Variants in MAP3K7 observed in about 807,000 individuals in gnomAD.
The protein encoded by MAP3K7 is TGF-beta activated kinase 1.
Under a neutral mutation model 84.8 loss-of-function variants are expected in MAP3K7, and 21 were observed. That is an observed-to-expected ratio of 0.25 (90% CI 0.18 to 0.36). The LOEUF is 0.36. MAP3K7 is among the 10% of genes least tolerant of loss of function. The probability of loss-of-function intolerance (pLI) is 1.00; values close to 1 mark genes in which losing one functional copy is unlikely to be tolerated. For synonymous variants in MAP3K7, 241 were observed against 247.7 expected, an observed-to-expected ratio of 0.97 and a Z score of 0.25; for missense variants, 503 against 747.7, an observed-to-expected ratio of 0.67 and a Z score of 3.82.
At chr6:90,579,726 G>A (rs1046766013) in intron 1 of MAP3K7, among the ~76,000 whole-genome samples, 1 of 152,156 alleles carries the variant, frequency 6.6e-6, no homozygotes, top group Non-Finnish European at 1.5e-5. Context: ...TATTTAGAAA[G>A]TACTTATTGC....
chr6:90,562,145 C>G (rs954108503), intron 3 of MAP3K7, among the ~76,000 whole-genome samples: 10 of 152,224 alleles, frequency 6.6e-5, no homozygotes, highest in African/African-American at 2.2e-4. Context: ...CTCCAGTCTA[C>G]AGCTACCAGC....
chr6:90,562,203 C>T (rs1048507764), intron 3 of MAP3K7, among the ~76,000 whole-genome samples: 4 of 152,220 alleles, frequency 2.6e-5, no homozygotes, highest in Non-Finnish European at 5.9e-5. Flanking sequence ...AACTGAGGTA[C>T]AGGGTTCATC....
chr6:90,571,833 C>A, intron 1 of MAP3K7, 26 bp from the exon 2 acceptor site: 1 of 1,378,280 alleles, frequency 7.3e-7, no homozygotes, highest in Non-Finnish European at 1.0e-6. Flanking sequence ...AAACAAAAAA[C>A]AAACAAAAAA....
In MAP3K7 at chr6:90,515,617, CTTCATTTTTTTTTT is replaced by C. The variant is rs1774933192; in HGVS notation, c.*870_*883del. 6.7e-6 allele frequency: 1 copy of C among 150,060 alleles called. No individual in the cohort carries two copies. Among genetic ancestry groups the C allele is most frequent in the African/African-American group, 2.5e-5 (1 of 40,626 alleles). 9.3% of individuals were successfully genotyped at this position (150,060 alleles called of 1,614,324 possible). A position where few individuals can be genotyped will look rare whatever the true frequency, so the allele number is the denominator to read the frequency against. On this transcript the variant is annotated 3_prime_UTR_variant, in exon 17 of 17. Coordinates refer to ENST00000369329, the MANE Select transcript of MAP3K7 (RefSeq NM_145331.3). Reference sequence around the variant, plus strand: ...ATTACTTCCATTTTCCATTATTTTTCTTCATTTTTTTTTTTTCAAATACATGAGAAAACAATCCA... The same window carrying C: ...ATTACTTCCATTTTCCATTATTTTTCTTCAAATACATGAGAAAACAATCCA...
chr6:90,585,618 C>CTTTTTTTTTTTTTTTTTT, intron 1 of MAP3K7, among the ~76,000 whole-genome samples: 7 of 150,344 alleles, frequency 4.7e-5, no homozygotes, highest in African/African-American at 1.8e-4. Context: ...GCAGTTTTTA[C>CTTTTTTTTTTTTTTTTTT]TTTTCTAAAT....
intron 2 of MAP3K7, among the ~76,000 whole-genome samples, chr6:90,569,547 C>T (rs1237590428): frequency 6.6e-6 from 1 of 152,156 alleles, no homozygotes; most frequent in African/African-American, 2.4e-5. Context: ...GTGGTACAAT[C>T]TTGGGTCACT....
chr6:90,585,798 C>T (rs1296624025), intron 1 of MAP3K7, among the ~76,000 whole-genome samples: 1 of 152,162 alleles, frequency 6.6e-6, no homozygotes, highest in Non-Finnish European at 1.5e-5. Context: ...CGAAATCATT[C>T]GTTATCTCTT....
chr6:90,520,805 A>C (rs1026703500), intron 14 of MAP3K7, among the ~76,000 whole-genome samples: 5 of 152,052 alleles, frequency 3.3e-5, no homozygotes, highest in African/African-American at 1.2e-4. Context: ...CAGTGGTTTC[A>C]AACTACGCTC....
rs978739577 is a variant in MAP3K7, at chr6:90,586,782, C to T, written c.102G>A (p.Lys34=). 2 of 1,605,280 alleles carry T rather than the reference C, an allele frequency of 1.2e-6. No individual in the cohort carries two copies. Among genetic ancestry groups the T allele is most frequent in the Non-Finnish European group, 8.5e-7 (1 of 1,176,306 alleles). Residue 34 remains lysine, a synonymous_variant, in exon 1 of 17, where the codon AAG becomes AAA. Transcript: ENST00000369329. ...QVLNFEEIDY[K]EIEVEEVVGR... is the part of the protein sequence containing the mutation. ...CGCTCACCTCTTCCACCTCGATCTC[C>T]TTGTAGTCGATCTCTTCAAAGTTGA...
intron 3 of MAP3K7, among the ~76,000 whole-genome samples, chr6:90,565,551 T>G (rs1334107042): frequency 6.6e-6 from 1 of 151,586 alleles, no homozygotes; most frequent in Non-Finnish European, 1.5e-5. Flanking sequence ...TAACAGGCTC[T>G]GAAATTGAGG....
chr6:90,583,979 C>T (rs1228026240), intron 1 of MAP3K7, among the ~76,000 whole-genome samples: 1 of 152,150 alleles, frequency 6.6e-6, no homozygotes, highest in African/African-American at 2.4e-5. Context: ...ATTAGAAATG[C>T]AAGATCAGCT....
chr6:90,516,410 C>T lies in MAP3K7; in HGVS notation c.*91G>A, dbSNP rs1040180285. 7.4e-7 allele frequency: 1 copy of T among 1,354,090 alleles called. No homozygotes were observed. The highest frequency in any genetic ancestry group is 1.0e-6 in the Non-Finnish European group (1 of 970,412). The allele number at this position is 1,354,090 out of a possible 1,614,324, so 83.9% of individuals were successfully genotyped here. A position where few individuals can be genotyped will look rare whatever the true frequency, so the allele number is the denominator to read the frequency against. On this transcript the variant is annotated 3_prime_UTR_variant, in exon 17 of 17. Coordinates refer to ENST00000369329, the MANE Select transcript of MAP3K7 (RefSeq NM_145331.3). ...TTGGCATTCAGAACACGCCAAAAAG[C>T]TAACACTCATGAATCGTCATTATAA...
Position 90,536,392 on chromosome 6 carries a change from T to G in MAP3K7, c.1301A>C (p.Gln434Pro), listed in dbSNP as rs1775679619. 6 of 1,611,830 alleles carry G rather than the reference T, an allele frequency of 3.7e-6. No individual in the cohort carries two copies. The East Asian group carries it at 1.3e-4, about 36-fold the overall frequency. ...VPEIVISGNG[Q>P]PRRRSIQDLT... The stretch of plus-strand genomic sequence containing the variant: ...GTCTTGGATGGATCTACGTCTTGGC[T>G]GTCCGTTGCCTTTAAAAAGAAGAAA... The change falls in exon 13 of 17, where the codon CAG (glutamine) becomes CCG (proline). Residue 434 changes from glutamine (Q) to proline (P), a missense_variant. Transcript: ENST00000369329.
Position 90,560,195 on chromosome 6 carries a change from T to A in MAP3K7, c.363A>T (p.Pro121=). ...SLYNVLHGAE[P]LPYYTAAHAM... ...CGTGGGCAGCAGTATAATATGGCAATGGTTCAGCACCATGCAGCACTGCGA... is the reference window on the plus strand; with the variant it reads ...CGTGGGCAGCAGTATAATATGGCAAAGGTTCAGCACCATGCAGCACTGCGA... The change falls in exon 5 of 17, where the codon CCA becomes CCT. Residue 121 remains proline, a synonymous_variant. Transcript: ENST00000369329. The A allele has an allele frequency of 6.2e-7, 1 of 1,614,208 alleles. No individual in the cohort carries two copies. Among genetic ancestry groups the A allele is most frequent in the Non-Finnish European group, 8.5e-7 (1 of 1,180,034 alleles).
chr6:90,567,172 A>G (rs1166394657), intron 3 of MAP3K7, among the ~76,000 whole-genome samples: 2 of 152,150 alleles, frequency 1.3e-5, no homozygotes, highest in South Asian at 2.1e-4. Flanking sequence ...TCAGGACTAA[A>G]ACACCAAAAG....
intron 13 of MAP3K7, among the ~76,000 whole-genome samples, chr6:90,524,862 T>A (rs146903103): frequency 6.6e-6 from 1 of 152,276 alleles, no homozygotes; most frequent in Non-Finnish European, 1.5e-5. Context: ...AACTCCTTGT[T>A]TTAAATATTG....
chr6:90,519,191 C>T, intron 15 of MAP3K7, 67 bp downstream of exon 15: 2 of 1,043,008 alleles, frequency 1.9e-6, no homozygotes, highest in Non-Finnish European at 2.9e-6. Flanking sequence ...CAGGTAGCAA[C>T]ACAATTGTCA....
At chr6:90,543,781 A>C (rs1211844547) in intron 12 of MAP3K7, among the ~76,000 whole-genome samples, 2 of 152,114 alleles carry the variant, frequency 1.3e-5, no homozygotes, top group African/African-American at 4.8e-5. Flanking sequence ...GATAATTTTG[A>C]TAATACATTA....
At position 90,553,763 on chromosome 6, in the gene MAP3K7, G is replaced by A. The variant is rs35383596; in HGVS notation, c.608-177C>T. 4.6e-3 allele frequency among the ~76,000 whole-genome samples: 697 copies of A among 152,212 alleles called. 6 individuals carry two copies. The highest frequency in any genetic ancestry group is 0.016 in the African/African-American group (663 of 41,524). ...CTTTTCAACAAGTACATTTTTAAAT[G>A]AATTAAGTATCAACAATACACTAAA... On this transcript the variant is annotated intron_variant, in intron 6 of 16. Transcript: ENST00000369329.
Sources: allele counts gnomAD v4.1 joint callset (sites outside exome capture counted in the v4.1 genomes callset), GRCh38; gene constraint gnomAD v4.1.1; transcripts MANE v1.5; gene names NCBI Gene and HGNC (gene_info 2026-07-23, HGNC 2026-07-21).